Variants in UNC13C observed in about 807,000 individuals in gnomAD.
UNC13C encodes protein unc-13 homolog C.
In UNC13C, 174 loss-of-function variants were observed where a neutral mutation model predicts 245.4. That is an observed-to-expected ratio of 0.71 (90% confidence interval 0.63 to 0.80). The LOEUF is 0.80. UNC13C is among the 30% of genes least tolerant of loss of function. The probability of loss-of-function intolerance (pLI) is 0.00; values close to 1 mark genes in which losing one functional copy is unlikely to be tolerated. For missense variants in UNC13C, 2,829 were observed against 2,602.9 expected (o/e 1.09, Z -1.89); for synonymous variants, 992 against 895.1 (o/e 1.11, Z -1.93).
chr15:54,324,595 G>A (rs1040118395), intron 14 of UNC13C, among the ~76,000 whole-genome samples: 2 of 151,800 alleles, frequency 1.3e-5, no homozygotes, highest in African/African-American at 4.8e-5. Context: ...TTTTTAAAAT[G>A]TGATTTTATC....
intron 17 of UNC13C, among the ~76,000 whole-genome samples, chr15:54,378,668 GATTA>G (rs767472769): frequency 1.3e-5 from 2 of 151,708 alleles, no homozygotes; most frequent in East Asian, 1.9e-4. Context: ...GTTTTGAAGA[GATTA>G]ATTCTTTGCC....
At chr15:53,940,314 C>T in the UNC13C span, among the ~76,000 whole-genome samples, 1 of 151,918 alleles carries the variant, frequency 6.6e-6, no homozygotes, top group Non-Finnish European at 1.5e-5. Flanking sequence ...AAGGACCATG[C>T]CTCAAAATAG....
chr15:53,898,213 C>A, the UNC13C span, among the ~76,000 whole-genome samples: 4 of 151,968 alleles, frequency 2.6e-5, no homozygotes, highest in Non-Finnish European at 5.9e-5. Context: ...CCACCATCAT[C>A]ATCATCATCA....
chr15:54,060,560 T>C (rs897136396), intron 2 of UNC13C, among the ~76,000 whole-genome samples: 25 of 152,170 alleles, frequency 1.6e-4, no homozygotes, highest in Middle Eastern at 3.2e-3. Context: ...GTCGGTGTGG[T>C]GATTCCTCAG....
chr15:54,231,923 T>G (rs141214616), intron 4 of UNC13C, among the ~76,000 whole-genome samples: 2 of 152,102 alleles, frequency 1.3e-5, no homozygotes, highest in East Asian at 3.8e-4. Context: ...TATTTATATA[T>G]GAATATTTCT....
intron 22 of UNC13C, among the ~76,000 whole-genome samples, chr15:54,502,353 A>G (rs1894258786): frequency 1.3e-5 from 2 of 152,226 alleles, no homozygotes; most frequent in South Asian, 2.1e-4. Flanking sequence ...GCAGAGACAG[A>G]CAGAGAGACA....
chr15:54,191,191 C>T (rs1394895495), intron 4 of UNC13C, among the ~76,000 whole-genome samples: 4 of 152,088 alleles, frequency 2.6e-5, no homozygotes, highest in Non-Finnish European at 5.9e-5. Flanking sequence ...CTAATGCTAT[C>T]GCTCCCCTAG....
chr15:54,212,908 T>C, intron 4 of UNC13C, among the ~76,000 whole-genome samples: 1 of 152,098 alleles, frequency 6.6e-6, no homozygotes. Context: ...ACTTTTTCTC[T>C]ATTTAAACCC....
intron 18 of UNC13C, among the ~76,000 whole-genome samples, chr15:54,404,714 T>G (rs2040258593): frequency 6.6e-6 from 1 of 152,186 alleles, no homozygotes; most frequent in South Asian, 2.1e-4. Context: ...CTTCTAAGTA[T>G]GTATGACAAT....
chr15:54,242,959 A>C lies in UNC13C; in HGVS notation c.3228+5269A>C, dbSNP rs533177289. ...CCTCACCTTTGTTTTATAAAATCCG[A>C]AACATTCTTCTCTTTTTTTTCCGTC... On this transcript the variant is annotated intron_variant, in intron 7 of 32. Transcript: ENST00000260323. Among the ~76,000 whole-genome samples, 91 of 152,196 alleles carry C rather than the reference A, an allele frequency of 6.0e-4. 1 individual carries two copies. In the South Asian group the frequency reaches 0.018, roughly 31 times the overall value.
intron 26 of UNC13C, among the ~76,000 whole-genome samples, chr15:54,534,282 G>C (rs62022422): frequency 0.092 from 14,019 of 152,100 alleles, 789 homozygotes; most frequent in African/African-American, 0.15. Context: ...CCCAGGGTTA[G>C]GACATGCAAT....
At chr15:54,521,909 G>A (rs1481011167) in intron 24 of UNC13C, among the ~76,000 whole-genome samples, 1 of 152,194 alleles carries the variant, frequency 6.6e-6, no homozygotes, top group African/African-American at 2.4e-5. Context: ...GCCCATGCAT[G>A]CAGGACACTG....
chr15:53,895,761 TATA>T, the UNC13C span, among the ~76,000 whole-genome samples: 1 of 152,182 alleles, frequency 6.6e-6, no homozygotes, highest in African/African-American at 2.4e-5. Context: ...CCTCCAGTTT[TATA>T]ATGTCAATTC....
chr15:54,293,614 T>C (rs1272370797), intron 10 of UNC13C, among the ~76,000 whole-genome samples: 2 of 151,982 alleles, frequency 1.3e-5, no homozygotes, highest in African/African-American at 4.8e-5. Context: ...AGTGAAAATA[T>C]CACAAGCAAA....
At chr15:54,025,314 C>T (rs917070523) in intron 2 of UNC13C, among the ~76,000 whole-genome samples, 2 of 152,190 alleles carry the variant, frequency 1.3e-5, no homozygotes, top group Non-Finnish European at 2.9e-5. Flanking sequence ...CACACAAACA[C>T]ATACTTTCTT....
intron 10 of UNC13C, among the ~76,000 whole-genome samples, chr15:54,266,296 T>C (rs2036548102): frequency 6.6e-6 from 1 of 151,862 alleles, no homozygotes; most frequent in South Asian, 2.1e-4. Flanking sequence ...AAGAAATAGG[T>C]TTGGAAAATC....
chr15:54,038,118 A>ATTTTTTT (rs1297641805), intron 2 of UNC13C, among the ~76,000 whole-genome samples: 1,916 of 28,268 alleles, frequency 0.068, 95 homozygotes, highest in East Asian at 0.14. Context: ...ATATATATAT[A>ATTTTTTT]TATATATTTT....
chr15:54,238,076 GTTTTTTT>G (rs10645906), intron 7 of UNC13C, among the ~76,000 whole-genome samples: 1 of 115,838 alleles, frequency 8.6e-6, no homozygotes, highest in Non-Finnish European at 1.6e-5. Context: ...ACTTTTATAG[GTTTTTTT>G]TTTTTTTTTT....
intron 19 of UNC13C, among the ~76,000 whole-genome samples, chr15:54,453,358 T>A (rs1461276176): frequency 6.6e-6 from 1 of 152,192 alleles, no homozygotes; most frequent in Non-Finnish European, 1.5e-5. Flanking sequence ...TCTTATCTGT[T>A]GAATCCTGAT....
Sources: allele counts gnomAD v4.1 joint callset (sites outside exome capture counted in the v4.1 genomes callset), GRCh38; gene constraint gnomAD v4.1.1; transcripts MANE v1.5; gene names NCBI Gene and HGNC (gene_info 2026-07-23, HGNC 2026-07-21).